The following MSI2 variants were observed in gnomAD, a reference collection of about 807,000 sequenced individuals.
MSI2 encodes the protein RNA-binding protein Musashi homolog 2.
Under a neutral mutation model 45.6 loss-of-function variants are expected in MSI2, and 17 were observed. The observed-to-expected ratio is 0.37, with a 90% CI of 0.26 to 0.56. The LOEUF is 0.56. MSI2 is among the 20% of genes least tolerant of loss of function. The pLI, the probability that MSI2 is intolerant of heterozygous loss-of-function variation, is 0.77. For missense variants in MSI2, 293 were observed against 444.2 expected (o/e 0.66, Z 3.06); for synonymous variants, 156 against 158.2 (o/e 0.99, Z 0.11).
intron 5 of MSI2, among the ~76,000 whole-genome samples, chr17:57,372,350 T>C (rs2143967749): frequency 6.6e-6 from 1 of 152,334 alleles, no homozygotes; most frequent in South Asian, 2.1e-4. Flanking sequence ...ATCAGAACTT[T>C]CAGTGTAACT....
chr17:57,541,484 A>G (rs1323674660), intron 7 of MSI2, among the ~76,000 whole-genome samples: 1 of 152,216 alleles, frequency 6.6e-6, no homozygotes, highest in African/African-American at 2.4e-5. Flanking sequence ...AAAAATAAGA[A>G]AACAGCAAGA....
intron 8 of MSI2, among the ~76,000 whole-genome samples, chr17:57,609,884 G>C (rs1846609165): frequency 6.6e-6 from 1 of 152,172 alleles, no homozygotes; most frequent in African/African-American, 2.4e-5. Context: ...GCTTGGGCTG[G>C]GGCTATAGGC....
intron 6 of MSI2, among the ~76,000 whole-genome samples, chr17:57,487,698 G>A (rs1567853357): frequency 6.6e-6 from 1 of 151,850 alleles, no homozygotes; most frequent in East Asian, 2.0e-4. Flanking sequence ...GCCTTCTCAC[G>A]CACTCAGCTT....
chr17:57,318,738 G>T (rs1367049157), intron 5 of MSI2, among the ~76,000 whole-genome samples: 1 of 152,224 alleles, frequency 6.6e-6, no homozygotes, highest in Non-Finnish European at 1.5e-5. Flanking sequence ...AGTCCGAGGA[G>T]TGCCTTTGTG....
intron 7 of MSI2, among the ~76,000 whole-genome samples, chr17:57,559,758 T>G (rs1378091021): frequency 6.6e-6 from 1 of 152,222 alleles, no homozygotes; most frequent in East Asian, 1.9e-4. Context: ...CAGCTTCTGC[T>G]CAGAGACAGC....
intron 6 of MSI2, among the ~76,000 whole-genome samples, chr17:57,528,257 T>TTTAAA (rs2144053118): frequency 6.6e-6 from 1 of 152,294 alleles, no homozygotes; most frequent in South Asian, 2.1e-4. Context: ...ATGTGTGCTC[T>TTTAAA]GTGGGATAAA....
At chr17:57,642,682 A>G (rs1181314316) in intron 10 of MSI2, among the ~76,000 whole-genome samples, 1 of 152,232 alleles carries the variant, frequency 6.6e-6, no homozygotes, top group African/African-American at 2.4e-5. Flanking sequence ...CCATGAGGGC[A>G]GAGACTGTAT....
At chr17:57,524,020 G>A (rs922440160) in intron 6 of MSI2, among the ~76,000 whole-genome samples, 3 of 152,168 alleles carry the variant, frequency 2.0e-5, no homozygotes, top group African/African-American at 7.2e-5. Context: ...GCTGATCCTG[G>A]CTGGCCTCAC....
At chr17:57,499,784 A>G (rs1598337741) in intron 6 of MSI2, among the ~76,000 whole-genome samples, 1 of 152,340 alleles carries the variant, frequency 6.6e-6, no homozygotes, top group East Asian at 1.9e-4. Context: ...CTGACGAAGC[A>G]TCTGTCCAAG....
intron 11 of MSI2, among the ~76,000 whole-genome samples, chr17:57,667,007 A>G (rs1295734873): frequency 6.6e-6 from 1 of 152,166 alleles, no homozygotes; most frequent in Non-Finnish European, 1.5e-5. Flanking sequence ...CTCCCTGTCT[A>G]TTTCCTGTGG....
intron 6 of MSI2, among the ~76,000 whole-genome samples, chr17:57,438,800 AT>A (rs374684092): frequency 0.011 from 1,549 of 144,742 alleles, 23 homozygotes; most frequent in African/African-American, 0.028. Context: ...TCCCATAGGA[AT>A]TTTTTTTTTT....
intron 6 of MSI2, among the ~76,000 whole-genome samples, chr17:57,493,291 G>C (rs937321353): frequency 2.0e-5 from 3 of 152,148 alleles, no homozygotes; most frequent in Admixed American, 2.0e-4. Flanking sequence ...GGTAAAAGGA[G>C]CGATTGCTGT....
At chr17:57,645,441 G>T (rs1567956780) in intron 10 of MSI2, among the ~76,000 whole-genome samples, 2 of 148,920 alleles carry the variant, frequency 1.3e-5, no homozygotes, top group Non-Finnish European at 3.0e-5. Context: ...TTGTTTTTTG[G>T]TTTTTTTTTT....
chr17:57,489,327 G>A (rs2085820892), intron 6 of MSI2, among the ~76,000 whole-genome samples: 1 of 152,206 alleles, frequency 6.6e-6, no homozygotes, highest in South Asian at 2.1e-4. Flanking sequence ...GTAGCAGCTG[G>A]GGAGGGATGG....
At chr17:57,419,674 G>A (rs895634320) in intron 6 of MSI2, among the ~76,000 whole-genome samples, 1 of 152,040 alleles carries the variant, frequency 6.6e-6, no homozygotes, top group Non-Finnish European at 1.5e-5. Context: ...GTGCCAGCCA[G>A]CTAGTACATT....
chr17:57,638,188 C>T (rs1473008177), intron 10 of MSI2, among the ~76,000 whole-genome samples: 1 of 152,184 alleles, frequency 6.6e-6, no homozygotes, highest in Non-Finnish European at 1.5e-5. Context: ...TGTCCCCCCA[C>T]CCTCTCCTCT....
At chr17:57,698,757 A>G in the MSI2 span, among the ~76,000 whole-genome samples, 6 of 152,194 alleles carry the variant, frequency 3.9e-5, 1 homozygote, top group Admixed American at 6.5e-5. Context: ...CAGTCAAGTC[A>G]CGTGTTTCAA....
chr17:57,518,926 G>GCT (rs1260801648), intron 6 of MSI2, among the ~76,000 whole-genome samples: 1 of 152,068 alleles, frequency 6.6e-6, no homozygotes, highest in African/African-American at 2.4e-5. Flanking sequence ...TCCTCAAACA[G>GCT]CTCTCTCTCT....
chr17:57,322,436 T>G (rs1290567404), intron 5 of MSI2, among the ~76,000 whole-genome samples: 1 of 152,204 alleles, frequency 6.6e-6, no homozygotes, highest in Non-Finnish European at 1.5e-5. Context: ...AATGGAAATT[T>G]AAGTCAATGA....
Sources: gnomAD v4.1 joint callset for allele counts (sites outside exome capture counted in the v4.1 genomes callset) on GRCh38, gnomAD v4.1.1 for gene constraint, MANE v1.5 for transcripts, NCBI Gene and HGNC (gene_info 2026-07-23, HGNC 2026-07-21) for gene names.